The following EPHA6 variants were observed in gnomAD, a reference collection of about 807,000 sequenced individuals.
The protein encoded by EPHA6 is ephrin type-A receptor 6.
Under a neutral mutation model 112.0 loss-of-function variants are expected in EPHA6, and 50 were observed. The observed-to-expected ratio is 0.45, with a 90% CI of 0.36 to 0.56. The LOEUF (loss-of-function observed/expected upper bound fraction) is 0.56. Among genes scored for constraint, EPHA6 ranks in the 20% least tolerant of loss-of-function variants. The pLI is 0.00. For synonymous variants in EPHA6, 529 were observed against 490.7 expected (o/e 1.08, Z -1.03); for missense variants, 1,280 against 1,417.4 (o/e 0.90, Z 1.56).
chr3:97,388,195 A>T (rs1340552330), intron 5 of EPHA6, among the ~76,000 whole-genome samples: 1 of 152,214 alleles, frequency 6.6e-6, no homozygotes. Flanking sequence ...TTTTTGATAC[A>T]TGTATTTCAG....
At chr3:97,293,367 G>A (rs1302959825) in intron 5 of EPHA6, among the ~76,000 whole-genome samples, 1 of 151,558 alleles carries the variant, frequency 6.6e-6, no homozygotes, top group Non-Finnish European at 1.5e-5. Context: ...AGGTCATCCT[G>A]GCTAGCATCC....
At chr3:97,535,534 C>T (rs2092752020) in intron 11 of EPHA6, among the ~76,000 whole-genome samples, 1 of 152,072 alleles carries the variant, frequency 6.6e-6, no homozygotes, top group African/African-American at 2.4e-5. Flanking sequence ...ATCATCTTGA[C>T]TCAAGTGCTA....
At chr3:97,244,504 C>G in intron 5 of EPHA6, 1 of 552,250 alleles carries the variant, frequency 1.8e-6, no homozygotes, top group Non-Finnish European at 3.2e-6. Context: ...GAAATGCTTC[C>G]CTCCACTGTT....
At chr3:97,373,568 A>T (rs1425017778) in intron 5 of EPHA6, among the ~76,000 whole-genome samples, 1 of 152,158 alleles carries the variant, frequency 6.6e-6, no homozygotes, top group African/African-American at 2.4e-5. Flanking sequence ...AATTGATGCA[A>T]GAATGGCTTG....
intron 2 of EPHA6, among the ~76,000 whole-genome samples, chr3:96,978,288 T>G (rs2107806074): frequency 6.6e-6 from 1 of 152,300 alleles, no homozygotes. Context: ...AAGGGTAAAG[T>G]GGAAGCATTG....
At chr3:97,709,707 A>G (rs2033866396) in intron 14 of EPHA6, among the ~76,000 whole-genome samples, 1 of 152,190 alleles carries the variant, frequency 6.6e-6, no homozygotes, top group Non-Finnish European at 1.5e-5. Flanking sequence ...CCACATGTCA[A>G]GGGAGGGATT....
intron 3 of EPHA6, among the ~76,000 whole-genome samples, chr3:97,097,886 G>T (rs1019381312): frequency 4.6e-5 from 7 of 151,892 alleles, no homozygotes; most frequent in Admixed American, 1.3e-4. Flanking sequence ...ATTTCTGGAT[G>T]TGAGTAATGA....
chr3:97,182,208 A>C (rs1401183853), intron 3 of EPHA6, among the ~76,000 whole-genome samples: 2 of 151,878 alleles, frequency 1.3e-5, no homozygotes, highest in Admixed American at 6.6e-5. Context: ...AAATGATATT[A>C]ACTATCATTT....
chr3:96,822,881 C>G (rs1485934260), intron 1 of EPHA6, among the ~76,000 whole-genome samples: 1 of 151,148 alleles, frequency 6.6e-6, no homozygotes, highest in Non-Finnish European at 1.5e-5. Context: ...AAAGCACTAA[C>G]TTTTAATGTT....
chr3:97,594,041 CAAATATA>C (rs1280711832), intron 12 of EPHA6, among the ~76,000 whole-genome samples: 1 of 152,128 alleles, frequency 6.6e-6, no homozygotes. Flanking sequence ...GAGTTAACTG[CAAATATA>C]AACATGTAGC....
chr3:97,678,596 G>T (rs1019855424), intron 14 of EPHA6, among the ~76,000 whole-genome samples: 4 of 152,118 alleles, frequency 2.6e-5, no homozygotes, highest in Non-Finnish European at 5.9e-5. Flanking sequence ...TCCTAGAAAG[G>T]TGATTTAATT....
intron 1 of EPHA6, among the ~76,000 whole-genome samples, chr3:96,850,564 A>G (rs1272535541): frequency 6.6e-6 from 1 of 152,132 alleles, no homozygotes; most frequent in African/African-American, 2.4e-5. Context: ...CGTAAGAGAG[A>G]GTCAGCTTTG....
intron 6 of EPHA6, among the ~76,000 whole-genome samples, chr3:97,434,538 G>C (rs1410753293): frequency 6.6e-6 from 1 of 152,066 alleles, no homozygotes; most frequent in African/African-American, 2.4e-5. Flanking sequence ...AGGCAAAATA[G>C]CATCAGCCAA....
chr3:97,644,941 G>A (rs1341547827), intron 14 of EPHA6, among the ~76,000 whole-genome samples: 3 of 151,876 alleles, frequency 2.0e-5, no homozygotes, highest in Non-Finnish European at 4.4e-5. Context: ...ATTTTATGAG[G>A]CCAGCATCAT....
intron 2 of EPHA6, among the ~76,000 whole-genome samples, chr3:96,928,817 A>T (rs922133685): frequency 6.6e-6 from 1 of 152,130 alleles, no homozygotes; most frequent in African/African-American, 2.4e-5. Context: ...TTGGGTGCAT[A>T]TATATTTAGA....
At chr3:97,415,737 T>G (rs2088071708) in intron 6 of EPHA6, among the ~76,000 whole-genome samples, 2 of 152,076 alleles carry the variant, frequency 1.3e-5, no homozygotes, top group Non-Finnish European at 2.9e-5. Context: ...TGATTTCTAT[T>G]CCTTTGATAA....
chr3:96,893,831 C>G (rs1287902289), intron 2 of EPHA6, among the ~76,000 whole-genome samples: 1 of 152,154 alleles, frequency 6.6e-6, no homozygotes, highest in Non-Finnish European at 1.5e-5. Flanking sequence ...GAATTTACTG[C>G]TAGCTCTGGG....
chr3:96,818,578 A>G (rs1189076590), intron 1 of EPHA6, among the ~76,000 whole-genome samples: 2 of 152,002 alleles, frequency 1.3e-5, no homozygotes, highest in Admixed American at 6.6e-5. Flanking sequence ...ATACAAATAA[A>G]TATATCTAAG....
At chr3:97,549,839 T>TAAAATA (rs888516132) in intron 11 of EPHA6, among the ~76,000 whole-genome samples, 3 of 151,670 alleles carry the variant, frequency 2.0e-5, no homozygotes, top group African/African-American at 7.2e-5. Context: ...TAAAATAAAA[T>TAAAATA]AAATAAAATA....
Sources: allele counts gnomAD v4.1 joint callset (sites outside exome capture counted in the v4.1 genomes callset), GRCh38; gene constraint gnomAD v4.1.1; transcripts MANE v1.5; gene names NCBI Gene and HGNC (gene_info 2026-07-23, HGNC 2026-07-21).